SMTN: variants seen among roughly 807,000 people sequenced by gnomAD.
SMTN encodes the protein smoothelin.
Under a neutral mutation model 102.0 loss-of-function variants are expected in SMTN, and 58 were observed. The observed-to-expected ratio is 0.57, with a 90% CI of 0.46 to 0.71. The LOEUF (loss-of-function observed/expected upper bound fraction) is 0.71, where lower values mean the gene tolerates loss of function less well. Ranked by LOEUF, SMTN falls within the 30% of genes least tolerant of loss-of-function variation. The pLI, the probability that SMTN is intolerant of heterozygous loss-of-function variation, is 0.00. For missense variants in SMTN, 1,185 were observed against 1,241.7 expected, an observed-to-expected ratio of 0.95 and a Z score of 0.69; for synonymous variants, 478 against 497.9, an observed-to-expected ratio of 0.96 and a Z score of 0.53.
At chr22:31,103,538 C>T (rs1255004043) in intron 20 of SMTN, 3 of 152,304 alleles carry the variant, frequency 2.0e-5, no homozygotes, top group African/African-American at 4.8e-5. Context: ...AGCCATGGGG[C>T]TTGAAACAAA....
intron 1 of SMTN, chr22:31,082,950 A>G (rs2042407845): frequency 6.6e-7 from 1 of 1,505,870 alleles, no homozygotes; most frequent in African/African-American, 1.4e-5. Context: ...CACACAGCAG[A>G]CTGGCGGCCA....
rs1307969306 is a variant in SMTN, at chr22:31,083,162, ATG to A, written c.-80-15_-80-14del. The stretch of plus-strand genomic sequence containing the variant: ...CTGGAAGCCCCAGCATGCCTGATTC[ATG>A]TCTGTCCCCTGCAGAATTCTCTGAG... On this transcript the variant is annotated splice_polypyrimidine_tract_variant and intron_variant, in intron 1 of 20. Coordinates refer to ENST00000333137, the MANE Select transcript of SMTN (RefSeq NM_134269.3). The A allele has an allele frequency of 1.6e-5, 25 of 1,559,856 alleles. No homozygotes were observed. Among genetic ancestry groups the A allele is most frequent in the Non-Finnish European group, 2.1e-5 (24 of 1,150,796 alleles).
chr22:31,073,248 C>CACAT (rs1301036507), intron 1 of SMTN, among the ~76,000 whole-genome samples: 1 of 140,240 alleles, frequency 7.1e-6, no homozygotes, highest in Non-Finnish European at 1.5e-5. Context: ...GACACAGACA[C>CACAT]ACATACACAC....
At position 31,104,306 on chromosome 22, in the gene SMTN, C is replaced by G. The variant is rs775199163; in HGVS notation, c.*21-10C>G. On this transcript the variant is annotated splice_polypyrimidine_tract_variant and intron_variant, in intron 20 of 20. Transcript: ENST00000333137. ...GCGCTGACATCCAACCCCGTGCCCC[C>G]TCCCTGCAGGATGCTGGTGGACTGT... 3.7e-6 allele frequency: 6 copies of G among 1,613,644 alleles called. No individual in the cohort carries two copies. The African/African-American group carries it at 6.7e-5, about 18-fold the overall frequency.
Position 31,084,560 on chromosome 22 carries a change from G to A in SMTN, c.51+1251G>A, listed in dbSNP as rs1172747674. Among the ~76,000 whole-genome samples, 3 of 152,342 alleles carry A rather than the reference G, an allele frequency of 2.0e-5. No homozygotes were observed. In the East Asian group the frequency reaches 5.8e-4, roughly 29 times the overall value. On this transcript the variant is annotated intron_variant, in intron 2 of 20. Coordinates refer to ENST00000333137, the MANE Select transcript of SMTN (RefSeq NM_134269.3). ...CGCCAGTCAGTTCGACCTTCCCTCA[G>A]GAAGTCCAAGTCCCAGTGGGGGTCG...
intron 20 of SMTN, chr22:31,101,846 G>C (rs922294261): frequency 2.7e-5 from 4 of 150,898 alleles, no homozygotes; most frequent in Non-Finnish European, 4.4e-5. Context: ...AGTTATAAAG[G>C]GTTTCCAAAC....
In SMTN at chr22:31,095,238, T is replaced by C. The variant is rs1019233518; in HGVS notation, c.1633-65T>C. 1.5e-5 allele frequency: 23 copies of C among 1,539,898 alleles called. No homozygotes were observed. Among genetic ancestry groups the C allele is most frequent in the Admixed American group, 3.5e-5 (2 of 57,550 alleles). Reference sequence around the variant, plus strand: ...ACCCTAGGATCTGCTTCCCTATCCATTGGAGACATGATGAGTTTCACCCAT... The same window carrying C: ...ACCCTAGGATCTGCTTCCCTATCCACTGGAGACATGATGAGTTTCACCCAT... On this transcript the variant is annotated intron_variant, in intron 11 of 20. Coordinates refer to ENST00000333137, the MANE Select transcript of SMTN (RefSeq NM_134269.3). This position sits in a 1 kb window ranked among gnomAD's most constrained non-coding sequence, Gnocchi z 4.1.
chr22:31,091,006 G>A lies in SMTN; in HGVS notation c.983G>A (p.Gly328Asp). 1 of 1,613,912 alleles carries A rather than the reference G, an allele frequency of 6.2e-7. No homozygotes were observed. The highest frequency in any genetic ancestry group is 8.5e-7 in the Non-Finnish European group (1 of 1,179,930). ...GGACCTTCCTCATTCCAGCGGGCTG[G>A]CTCTGTGCGGGATCGTGTCCACAAG... ...ASGPSSFQRA[G>D]SVRDRVHKFT... Residue 328 changes from glycine to aspartate, a missense_variant, in exon 10 of 21, where the codon GGC becomes GAC. Around this residue, in one of 2 missense-constraint regions of SMTN, gnomAD observed 1,096 missense variants for 1,112.7 expected, o/e 0.98. Transcript: ENST00000333137.
In SMTN at chr22:31,088,002, T is replaced by C. The variant is rs1453949427; in HGVS notation, c.89T>C (p.Ile30Thr). 6.2e-7 allele frequency: 1 copy of C among 1,608,802 alleles called. No individual in the cohort carries two copies. Among genetic ancestry groups the C allele is most frequent in the Non-Finnish European group, 8.5e-7 (1 of 1,176,484 alleles). Residue 30 changes from isoleucine (I) to threonine (T), a missense_variant, in exon 3 of 21, where the codon ATC becomes ACC. Coordinates refer to ENST00000333137, the MANE Select transcript of SMTN (RefSeq NM_134269.3). ...VTADLAERRR[I>T]RSAIRELQRQ... ...GCAGATCTGGCAGAGCGGCGGCGCA[T>C]CCGCTCAGCCATCCGGGAACTGCAG...
At chr22:31,075,692 A>AC (rs998770882) in intron 1 of SMTN, among the ~76,000 whole-genome samples, 3 of 151,974 alleles carry the variant, frequency 2.0e-5, no homozygotes, top group African/African-American at 7.2e-5. Flanking sequence ...AAAAAAAAAA[A>AC]AAAAAGGAAT....
At chr22:31,089,532 C>T (rs2147662769) in intron 6 of SMTN, 167 bp from the exon 7 acceptor site, 4 of 645,594 alleles carry the variant, frequency 6.2e-6, no homozygotes, top group East Asian at 5.3e-5. Context: ...AGAGACTGCC[C>T]TTAGCATGCC....
upstream of SMTN, chr22:31,080,325 T>C (rs2042243483): frequency 1.3e-5 from 2 of 152,242 alleles, no homozygotes; most frequent in Non-Finnish European, 1.5e-5. Context: ...TTACTACTTA[T>C]CAGCTGTTGT....
chr22:31,089,726 C>G lies in SMTN; in HGVS notation c.499C>G (p.Gln167Glu). ...GCCAGAGCGAGAGGAACAGGAACAG[C>G]AGGCAGAGGTTTCAAAGCCAACCCC... ...EVPEREEQEQ[Q>E]AEVSKPTPTP... The change falls in exon 7 of 21, where the codon CAG (glutamine) becomes GAG (glutamate). Residue 167 changes from glutamine to glutamate, a missense_variant. This residue lies in a region of SMTN where 1,096 missense variants were observed against 1,112.7 expected (regional missense o/e 0.98). Coordinates refer to ENST00000333137, the MANE Select transcript of SMTN (RefSeq NM_134269.3). 2 of 1,605,096 alleles carry G rather than the reference C, an allele frequency of 1.2e-6. No homozygotes were observed. The highest frequency in any genetic ancestry group is 1.7e-6 in the Non-Finnish European group (2 of 1,179,046).
Position 31,093,975 on chromosome 22 carries a change from C to G in SMTN, c.1633-1328C>G, listed in dbSNP as rs947500078. 9.7e-6 allele frequency: 8 copies of G among 823,508 alleles called. No individual in the cohort carries two copies. In the African/African-American group the frequency reaches 1.4e-4, roughly 14 times the overall value. 51.0% of individuals were successfully genotyped at this position (823,508 alleles called of 1,614,324 possible). Reference sequence around the variant, plus strand: ...CCACCTTCTCTGAGCCTCAGTTTATCTATCTTGACAGGGGACTGGGGCACT... The same window carrying G: ...CCACCTTCTCTGAGCCTCAGTTTATGTATCTTGACAGGGGACTGGGGCACT... On this transcript the variant is annotated intron_variant, in intron 11 of 20. Transcript: ENST00000333137.
Position 31,097,077 on chromosome 22 carries a change from T to C in SMTN, c.2089+17T>C. On this transcript the variant is annotated intron_variant, in intron 15 of 20. Transcript: ENST00000333137. ...GCTCGGAGAGTAAGGCCACCTGGTGTCGCCCTGTGCCTGCCTGCCTGTCCG... is the reference window on the plus strand; with the variant it reads ...GCTCGGAGAGTAAGGCCACCTGGTGCCGCCCTGTGCCTGCCTGCCTGTCCG... 6.2e-7 allele frequency: 1 copy of C among 1,613,020 alleles called. No homozygotes were observed. The highest frequency in any genetic ancestry group is 1.3e-5 in the African/African-American group (1 of 74,998).
intron 2 of SMTN, among the ~76,000 whole-genome samples, chr22:31,085,495 G>T (rs980037628): frequency 2.0e-5 from 3 of 152,358 alleles, no homozygotes; most frequent in Non-Finnish European, 2.9e-5. Context: ...CCTGCCAGGC[G>T]TTCCCAACAG....
Position 31,095,881 on chromosome 22 carries a change from C to G in SMTN, c.1861+272C>G, listed in dbSNP as rs1602657379. 3.2e-5 allele frequency: 17 copies of G among 527,092 alleles called. 1 individual carries two copies. The East Asian group carries it at 5.8e-4, about 18-fold the overall frequency. 32.7% of individuals were successfully genotyped at this position (527,092 alleles called of 1,614,324 possible). ...AGATACTCCCTCCCGCAGCTACTCT[C>G]TCCTTGGATCCAGTTGCCTCTCAAA... On this transcript the variant is annotated intron_variant, in intron 13 of 20. Coordinates refer to ENST00000333137, the MANE Select transcript of SMTN (RefSeq NM_134269.3). The surrounding 1 kb of genome is among the most constrained non-coding windows in gnomAD (Gnocchi z 4.1).
At chr22:31,084,975 G>T (rs1868279109) in intron 2 of SMTN, 1 of 1,455,798 alleles carries the variant, frequency 6.9e-7, no homozygotes, top group African/African-American at 1.4e-5. Flanking sequence ...AGCTAGGCCC[G>T]CTCCGCCCGC....
intron 20 of SMTN, chr22:31,103,443 CCACT>C (rs2044250615): frequency 6.6e-6 from 1 of 152,352 alleles, no homozygotes; most frequent in South Asian, 2.1e-4. Context: ...TAGGCACAAC[CCACT>C]CACTCCAGAG....
Sources: allele counts gnomAD v4.1 joint callset (sites outside exome capture counted in the v4.1 genomes callset), GRCh38; gene constraint gnomAD v4.1.1; regional missense constraint gnomAD v4.1.1; non-coding constraint Gnocchi (gnomAD v3.1); transcripts MANE v1.5; gene names NCBI Gene and HGNC (gene_info 2026-07-23, HGNC 2026-07-21).